CENPI: variants seen among roughly 807,000 people sequenced by gnomAD.
The protein encoded by CENPI is FSH primary response 1.
A neutral mutation model predicts 60.4 loss-of-function variants in CENPI; 4 were observed. The ratio of observed to expected loss-of-function variants is 0.07; its 90% CI spans 0.03 to 0.15. The LOEUF (loss-of-function observed/expected upper bound fraction) is 0.15. Ranked by LOEUF, CENPI falls within the 10% of genes least tolerant of loss-of-function variation. The pLI is 1.00. For synonymous variants in CENPI, 157 were observed against 189.4 expected, an observed-to-expected ratio of 0.83 and a Z score of 1.40; for missense variants, 444 against 534.5, an observed-to-expected ratio of 0.83 and a Z score of 1.67.
At chrX:101,127,319 A>G in intron 10 of CENPI, 53 bp downstream of exon 10, 1 of 1,074,196 alleles carries the variant, frequency 9.3e-7, no homozygotes, top group Non-Finnish European at 1.2e-6. Context: ...TTAAATCCAA[A>G]TAATAACCAT....
At chrX:101,120,250 A>G (rs1434528590) in intron 6 of CENPI, 152 bp from the exon 7 acceptor site, 2 of 340,319 alleles carry the variant, frequency 5.9e-6, no homozygotes, top group African/African-American at 5.3e-5. Context: ...ACTATACAGT[A>G]GGAAAAAGAG....
At chrX:101,125,079 G>A (rs1243694661) in intron 8 of CENPI, among the ~76,000 whole-genome samples, 1 of 111,234 alleles carries the variant, frequency 9.0e-6, no homozygotes, top group Non-Finnish European at 1.9e-5. Flanking sequence ...TATAGTGAAG[G>A]AATTTGGGGT....
At chrX:101,107,833 T>TG (rs202233407) in intron 4 of CENPI, among the ~76,000 whole-genome samples, 23,998 of 92,568 alleles carry the variant, frequency 0.26, 2,614 homozygotes, top group African/African-American at 0.3. Flanking sequence ...AACACTTGGC[T>TG]AATTTTTTTT....
At chrX:101,176,628 TTTATC>T in the CENPI span, among the ~76,000 whole-genome samples, 1 of 112,425 alleles carries the variant, frequency 8.9e-6, no homozygotes, top group African/African-American at 3.2e-5. Context: ...GTTTGTTTGT[TTTATC>T]TTGTTAAGTT....
At chrX:101,114,758 GC>G (rs776396863) in intron 6 of CENPI, among the ~76,000 whole-genome samples, 4 of 110,085 alleles carry the variant, frequency 3.6e-5, no homozygotes, top group Non-Finnish European at 7.6e-5. Flanking sequence ...TCCTGCCTCA[GC>G]CTCCTGAGTA....
downstream of CENPI, among the ~76,000 whole-genome samples, chrX:101,170,396 G>A (rs1394905692): frequency 9.0e-5 from 10 of 111,479 alleles, no homozygotes; most frequent in Admixed American, 1.9e-4. Context: ...TGGCACTGTC[G>A]TTCAGAGATG....
intron 15 of CENPI, among the ~76,000 whole-genome samples, chrX:101,133,136 A>G (rs943208603): frequency 5.5e-5 from 6 of 109,937 alleles, no homozygotes; most frequent in African/African-American, 2.0e-4. Context: ...GACAGGAAAC[A>G]TGTTGTCCTG....
chrX:101,108,362 CT>C (rs770638974), intron 4 of CENPI, among the ~76,000 whole-genome samples: 51 of 105,188 alleles, frequency 4.8e-4, no homozygotes, highest in African/African-American at 1.5e-3. Flanking sequence ...CCCAGCTAAT[CT>C]TTTTTTTTTT....
At chrX:101,177,142 C>T in the CENPI span, among the ~76,000 whole-genome samples, 6 of 111,693 alleles carry the variant, frequency 5.4e-5, no homozygotes, top group African/African-American at 2.0e-4. Context: ...CCAGTAGTGG[C>T]AGTGGCAAGC....
intron 15 of CENPI, among the ~76,000 whole-genome samples, chrX:101,133,353 A>G (rs780067298): frequency 4.0e-5 from 4 of 101,127 alleles, no homozygotes; most frequent in East Asian, 3.1e-4. Context: ...TTCTGTCTCA[A>G]TCTTCTAATT....
intron 9 of CENPI, 137 bp from the exon 10 acceptor site, chrX:101,127,001 A>G: frequency 1.6e-6 from 1 of 617,593 alleles, no homozygotes; most frequent in Non-Finnish European, 2.4e-6. Context: ...ACTAATCAGA[A>G]AAAAAAATAC....
intron 20 of CENPI, among the ~76,000 whole-genome samples, chrX:101,155,526 G>T (rs1239153446): frequency 1.8e-5 from 2 of 109,452 alleles, no homozygotes; most frequent in Non-Finnish European, 3.8e-5. Flanking sequence ...TAGATGTTGT[G>T]AAACCATTTT....
chrX:101,174,936 C>T, the CENPI span, among the ~76,000 whole-genome samples: 11 of 111,036 alleles, frequency 9.9e-5, no homozygotes, highest in African/African-American at 3.6e-4. Flanking sequence ...GGAGAAACCC[C>T]GTCTCTACTA....
intron 4 of CENPI, among the ~76,000 whole-genome samples, chrX:101,107,538 G>A (rs181445001): frequency 6.5e-4 from 70 of 107,017 alleles, no homozygotes; most frequent in African/African-American, 2.2e-3. Flanking sequence ...TGTATTTTTA[G>A]TAGAGATGGG....
At chrX:101,175,222 G>A in the CENPI span, among the ~76,000 whole-genome samples, 4 of 112,194 alleles carry the variant, frequency 3.6e-5, no homozygotes, top group Non-Finnish European at 7.5e-5. Context: ...CCATTTTTAC[G>A]ATACTCTGTG....
At chrX:101,147,889 A>C in intron 19 of CENPI, 54 bp from the exon 20 acceptor site, 1 of 1,162,913 alleles carries the variant, frequency 8.6e-7, no homozygotes, top group South Asian at 1.8e-5. Context: ...GATGGGAGTA[A>C]GAAGGAAAGG....
intron 4 of CENPI, among the ~76,000 whole-genome samples, chrX:101,103,151 G>A (rs1482503297): frequency 8.4e-5 from 9 of 106,588 alleles, no homozygotes; most frequent in Non-Finnish European, 3.9e-5. Flanking sequence ...CTGCCACCAC[G>A]CCCGGCTAAT....
intron 8 of CENPI, among the ~76,000 whole-genome samples, chrX:101,125,511 C>T (rs961621567): frequency 5.4e-5 from 6 of 111,415 alleles, no homozygotes; most frequent in Admixed American, 2.9e-4. Context: ...ATTCTCCTGC[C>T]TCAGCTTCCC....
intron 6 of CENPI, among the ~76,000 whole-genome samples, chrX:101,117,890 G>A (rs781227172): frequency 3.8e-4 from 43 of 112,351 alleles, no homozygotes; most frequent in African/African-American, 1.4e-3. Flanking sequence ...TTTCATGCCA[G>A]CTCTGAAACA....
Sources: allele counts gnomAD v4.1 joint callset (sites outside exome capture counted in the v4.1 genomes callset), GRCh38; gene constraint gnomAD v4.1.1; transcripts MANE v1.5; gene names NCBI Gene and HGNC (gene_info 2026-07-23, HGNC 2026-07-21).